Variants in ESPN observed in about 807,000 individuals in gnomAD.
ESPN encodes espin, also known as autosomal recessive deafness type 36 protein.
In ESPN, 68 loss-of-function variants were observed where a neutral mutation model predicts 77.7. The ratio of observed to expected loss-of-function variants is 0.87; its 90% confidence interval spans 0.72 to 1.07. The LOEUF (loss-of-function observed/expected upper bound fraction) is 1.07. Among genes scored for constraint, ESPN ranks in the 50% least tolerant of loss-of-function variants. The probability of loss-of-function intolerance (pLI) is 0.00; values close to 1 mark genes in which losing one functional copy is unlikely to be tolerated. For synonymous variants in ESPN, 449 were observed against 567.1 expected (o/e 0.79, Z 2.96); for missense variants, 1,060 against 1,239.0 (o/e 0.86, Z 2.17).
Position 6,424,783 on chromosome 1 carries a change from G to T in ESPN, c.-173G>T, listed in dbSNP as rs1040753487. On this transcript the variant is annotated 5_prime_UTR_variant, in exon 1 of 13. Transcript: ENST00000645284. ...TCCGCGGGCTCCGGCCCCAGAGCGC[G>T]GCGGAGCGGAGCGCCAGGCAGCGCG... The T allele has an allele frequency of 1.5e-6, 1 of 664,976 alleles. No homozygotes were observed. The highest frequency in any genetic ancestry group is 2.1e-6 in the Non-Finnish European group (1 of 482,240). The allele number at this position is 664,976 out of a possible 1,614,324, so 41.2% of individuals were successfully genotyped here. A position where few individuals can be genotyped will look rare whatever the true frequency, so the allele number is the denominator to read the frequency against.
intron 2 of ESPN, among the ~76,000 whole-genome samples, chr1:6,433,491 C>G (rs1291685533): frequency 6.6e-6 from 1 of 151,938 alleles, no homozygotes; most frequent in Non-Finnish European, 1.5e-5. Flanking sequence ...CCTGTAGTCC[C>G]AGCTACTTGG....
At chr1:6,449,203 A>T in intron 8 of ESPN, 112 bp downstream of exon 8, 2 of 1,125,254 alleles carry the variant, frequency 1.8e-6, no homozygotes. Context: ...CCTCTTCTAC[A>T]TGGTCTTCCG....
chr1:6,455,778 C>T (rs180961851), intron 10 of ESPN: 1 of 398,976 alleles, frequency 2.5e-6, no homozygotes, highest in Non-Finnish European at 4.4e-6. Context: ...CCTCTTCCAC[C>T]GCGTGGTGCT....
intron 10 of ESPN, chr1:6,454,839 G>GCGCCGCTGC: frequency 2.5e-6 from 1 of 395,382 alleles, no homozygotes; most frequent in Non-Finnish European, 4.5e-6. Flanking sequence ...CCAGCCGCTG[G>GCGCCGCTGC]CGCCGCTGCC....
chr1:6,436,856 G>A (rs1643457299), intron 2 of ESPN, among the ~76,000 whole-genome samples: 1 of 152,172 alleles, frequency 6.6e-6, no homozygotes, highest in Non-Finnish European at 1.5e-5. Flanking sequence ...GTGACTGTGA[G>A]AGTGCCCATT....
At position 6,428,357 on chromosome 1, in the gene ESPN, C is replaced by G. The variant is rs1276083300; in HGVS notation, c.426C>G (p.Ile142Met). Reference protein sequence around the residue: ...TAATDMGALPIHYAAAKGDFP... With the variant: ...TAATDMGALPMHYAAAKGDFP... ...CCACAGACATGGGCGCCCTGCCTATCCACTACGCTGCCGCCAAAGGAGACT... is the reference window on the plus strand; with the variant it reads ...CCACAGACATGGGCGCCCTGCCTATGCACTACGCTGCCGCCAAAGGAGACT... The change falls in exon 2 of 13, where the codon ATC (isoleucine) becomes ATG (methionine). Residue 142 changes from isoleucine (I) to methionine (M), a missense_variant. Ile to Met is a conservative substitution (Grantham distance 10). Around this residue, in one of 3 missense-constraint regions of ESPN, gnomAD observed 556 missense variants for 633.6 expected, o/e 0.88. Transcript: ENST00000645284. The surrounding 1 kb of genome is among the most constrained non-coding windows in gnomAD (Gnocchi z 5.4). The G allele has an allele frequency of 1.9e-6, 3 of 1,613,116 alleles. No homozygotes were observed. The highest frequency in any genetic ancestry group is 3.3e-5 in the Admixed American group (2 of 60,016).
Position 6,451,379 on chromosome 1 carries a change from G to A in ESPN, c.1916-224G>A. 1 of 619,832 alleles carries A rather than the reference G, an allele frequency of 1.6e-6. No homozygotes were observed. The allele number at this position is 619,832 out of a possible 1,614,324, so 38.4% of individuals were successfully genotyped here. Reference sequence around the variant, plus strand: ...CAGGGGCCCTCCATCCCGTGAGTAGGGTGGGGAAGATGGTGGGGTTGCCAC... The same window carrying A: ...CAGGGGCCCTCCATCCCGTGAGTAGAGTGGGGAAGATGGTGGGGTTGCCAC... On this transcript the variant is annotated intron_variant, in intron 8 of 12. Transcript: ENST00000645284. This position sits in a 1 kb window ranked among gnomAD's most constrained non-coding sequence, Gnocchi z 4.3.
chr1:6,425,838 G>A (rs571389367), intron 1 of ESPN, among the ~76,000 whole-genome samples: 1 of 152,340 alleles, frequency 6.6e-6, no homozygotes, highest in East Asian at 1.9e-4. Flanking sequence ...TGGTCACTCT[G>A]AGCAGTGACC....
intron 10 of ESPN, chr1:6,456,685 A>G: frequency 4.4e-6 from 1 of 229,866 alleles, no homozygotes; most frequent in African/African-American, 2.3e-5. Flanking sequence ...CCTGCGTTGG[A>G]CACCACACCT....
chr1:6,452,574 C>T (rs995962889), intron 10 of ESPN, among the ~76,000 whole-genome samples: 2 of 152,188 alleles, frequency 1.3e-5, no homozygotes, highest in Admixed American at 6.5e-5. Context: ...CTCTCCTTCA[C>T]CGGCCCAGCA....
chr1:6,452,362 G>A (rs76067072), intron 10 of ESPN, among the ~76,000 whole-genome samples: 2 of 151,936 alleles, frequency 1.3e-5, no homozygotes, highest in South Asian at 2.1e-4. Context: ...CTGCCACCAC[G>A]CCCAGCTAAT....
intron 1 of ESPN, among the ~76,000 whole-genome samples, chr1:6,426,214 T>A (rs1351110799): frequency 6.6e-6 from 1 of 152,266 alleles, no homozygotes; most frequent in East Asian, 1.9e-4. Flanking sequence ...AACCCCACCT[T>A]CTGCCTTCAG....
At position 6,450,104 on chromosome 1, in the gene ESPN, T is replaced by C. The variant is rs556125739; in HGVS notation, c.1915+1013T>C. Among the ~76,000 whole-genome samples, 34 of 152,114 alleles carry C rather than the reference T, an allele frequency of 2.2e-4. No individual in the cohort carries two copies. Among genetic ancestry groups the C allele is most frequent in the Admixed American group, 1.7e-3 (26 of 15,284 alleles). ...CTGAAGCTAAGGGCAGAGAAAAACA[T>C]ACTCTGGGCTTCCCGAGACACCCTC... On this transcript the variant is annotated intron_variant, in intron 8 of 12. Coordinates refer to ENST00000645284, the MANE Select transcript of ESPN (RefSeq NM_031475.3). The surrounding 1 kb of genome is among the most constrained non-coding windows in gnomAD (Gnocchi z 4.3).
chr1:6,437,970 T>C lies in ESPN; in HGVS notation c.489-2284T>C, dbSNP rs1393104858. Among the ~76,000 whole-genome samples the C allele has an allele frequency of 6.6e-6, 1 of 151,440 alleles. No homozygotes were observed. Among genetic ancestry groups the C allele is most frequent in the South Asian group, 2.1e-4 (1 of 4,788 alleles). ...GCAAAGGGGGGTAGCCTGGTGCCCATTGATGGGCAGGCAACAAGCGGATGG... is the reference window on the plus strand; with the variant it reads ...GCAAAGGGGGGTAGCCTGGTGCCCACTGATGGGCAGGCAACAAGCGGATGG... On this transcript the variant is annotated intron_variant, in intron 2 of 12. Coordinates refer to ENST00000645284, the MANE Select transcript of ESPN (RefSeq NM_031475.3). The surrounding 1 kb of genome is among the most constrained non-coding windows in gnomAD (Gnocchi z 4.5).
At chr1:6,438,496 A>T (rs1398815235) in intron 2 of ESPN, among the ~76,000 whole-genome samples, 1 of 152,272 alleles carries the variant, frequency 6.6e-6, no homozygotes, top group African/African-American at 2.4e-5. Context: ...CTGGGAGAGC[A>T]AGGATAAGGG....
chr1:6,436,909 C>T (rs1569624215), intron 2 of ESPN, among the ~76,000 whole-genome samples: 3 of 152,110 alleles, frequency 2.0e-5, no homozygotes, highest in South Asian at 4.1e-4. Context: ...GATGTTGAGC[C>T]GGGATCCCCT....
intron 3 of ESPN, 24 bp from the exon 4 acceptor site, chr1:6,440,602 C>CCA: frequency 2.4e-6 from 3 of 1,256,472 alleles, no homozygotes; most frequent in Non-Finnish European, 3.3e-6. Context: ...CCCCCGCCCC[C>CCA]CTCTCCCCGC....
chr1:6,444,666 C>T lies in ESPN; in HGVS notation c.1176C>T (p.Gly392=). The T allele has an allele frequency of 6.2e-7, 1 of 1,614,176 alleles. No individual in the cohort carries two copies. Among genetic ancestry groups the T allele is most frequent in the Non-Finnish European group, 8.5e-7 (1 of 1,180,016 alleles). ...CCTCCAGCCACTCCAGCATCAAGGG[C>T]CAGCACCCTCCATGTGGTGAGTGTG... ...SCSSSHSSIK[G]QHPPCGLSSA... The change falls in exon 6 of 13, where the codon GGC becomes GGT. Residue 392 remains glycine, a synonymous_variant. Coordinates refer to ENST00000645284, the MANE Select transcript of ESPN (RefSeq NM_031475.3).
rs1387491914 is a variant in ESPN at position 6,448,975 on chromosome 1, CACCGCCGCCGCCGCCCCT to C, written c.1800_1817del (p.Pro602_Pro607del). 2 of 1,429,512 alleles carry C rather than the reference CACCGCCGCCGCCGCCCCT, an allele frequency of 1.4e-6. No homozygotes were observed. The highest frequency in any genetic ancestry group is 1.8e-6 in the Non-Finnish European group (2 of 1,097,984). 88.6% of individuals were successfully genotyped at this position (1,429,512 alleles called of 1,614,324 possible). A position where few individuals can be genotyped will look rare whatever the true frequency, so the allele number is the denominator to read the frequency against. ...TCCAGGGAGCTGCCACCGCCGCCCC[CACCGCCGCCGCCGCCCCT>C]GCCGGAGGCCGCGAGTTCGCCACCG... On this transcript the variant is annotated inframe_deletion, in exon 8 of 13. Coordinates refer to ENST00000645284, the MANE Select transcript of ESPN (RefSeq NM_031475.3).
Sources: gnomAD v4.1 joint callset for allele counts (sites outside exome capture counted in the v4.1 genomes callset) on GRCh38, gnomAD v4.1.1 for gene constraint, gnomAD v4.1.1 regional missense constraint, Gnocchi (gnomAD v3.1) non-coding constraint, MANE v1.5 for transcripts, NCBI Gene and HGNC (gene_info 2026-07-23, HGNC 2026-07-21) for gene names.